The following ARID5B variants were observed in gnomAD, a reference collection of about 807,000 sequenced individuals.
ARID5B encodes AT-rich interactive domain-containing protein 5B.
In ARID5B, 13 loss-of-function variants were observed where a neutral mutation model predicts 97.2. The ratio of observed to expected loss-of-function variants is 0.13; its 90% CI spans 0.09 to 0.21. The LOEUF is 0.21. Ranked by LOEUF, ARID5B falls within the 10% of genes least tolerant of loss-of-function variation. The probability of loss-of-function intolerance (pLI) is 1.00; values close to 1 mark genes in which losing one functional copy is unlikely to be tolerated. For synonymous variants in ARID5B, 556 were observed against 570.3 expected, an observed-to-expected ratio of 0.97 and a Z score of 0.36; for missense variants, 1,210 against 1,465.3, an observed-to-expected ratio of 0.83 and a Z score of 2.84.
chr10:61,938,383 C>T (rs1589226587), intron 2 of ARID5B, among the ~76,000 whole-genome samples: 1 of 152,188 alleles, frequency 6.6e-6, no homozygotes, highest in East Asian at 1.9e-4. Flanking sequence ...GCCAAATTCT[C>T]TCTTTACTAA....
chr10:62,024,559 G>T, intron 4 of ARID5B: 1 of 370,508 alleles, frequency 2.7e-6, no homozygotes. Context: ...AATGTTTCCT[G>T]ATTGATATTG....
chr10:62,049,323 G>A (rs1390613488), intron 4 of ARID5B: 2 of 1,500,904 alleles, frequency 1.3e-6, no homozygotes, highest in Non-Finnish European at 1.8e-6. Context: ...CCGGGGGAGG[G>A]GAGTTGTAAG....
chr10:62,049,660 T>A (rs901751287), intron 4 of ARID5B, among the ~76,000 whole-genome samples: 1 of 152,166 alleles, frequency 6.6e-6, no homozygotes, highest in Non-Finnish European at 1.5e-5. Context: ...TTTGCCTCTC[T>A]GATTTTAAAG....
intron 5 of ARID5B, among the ~76,000 whole-genome samples, chr10:62,054,626 G>A (rs1589276582): frequency 6.6e-6 from 1 of 152,164 alleles, no homozygotes; most frequent in East Asian, 1.9e-4. Context: ...CTGTTTCTGA[G>A]TGTTTCTACA....
intron 2 of ARID5B, among the ~76,000 whole-genome samples, chr10:61,921,488 A>C (rs933029776): frequency 3.9e-5 from 6 of 152,196 alleles, no homozygotes; most frequent in South Asian, 4.1e-4. Context: ...TTGCTGGGCC[A>C]CATGGGCCTC....
Position 62,093,210 on chromosome 10 carries a change from C to A in ARID5B, c.*180C>A. 1 of 834,638 alleles carries A rather than the reference C, an allele frequency of 1.2e-6. No homozygotes were observed. Among genetic ancestry groups the A allele is most frequent in the Non-Finnish European group, 1.8e-6 (1 of 563,900 alleles). The allele number at this position is 834,638 out of a possible 1,614,324, so 51.7% of individuals were successfully genotyped here. On this transcript the variant is annotated 3_prime_UTR_variant, in exon 10 of 10. Coordinates refer to ENST00000279873, the MANE Select transcript of ARID5B (RefSeq NM_032199.3). ...CCTGATTTTTGTGGGACAACTCTAG[C>A]CCACAAACTGACTGGCTGGTGAGTC...
At position 62,091,420 on chromosome 10, in the gene ARID5B, T is replaced by C; in HGVS notation, c.1957T>C (p.Ser653Pro). 6.2e-7 allele frequency: 1 copy of C among 1,612,610 alleles called. No homozygotes were observed. Among genetic ancestry groups the C allele is most frequent in the Non-Finnish European group, 8.5e-7 (1 of 1,179,110 alleles). The change falls in exon 10 of 10, where the codon TCG (serine) becomes CCG (proline). Residue 653 changes from serine (S) to proline (P), a missense_variant. Coordinates refer to ENST00000279873, the MANE Select transcript of ARID5B (RefSeq NM_032199.3). ...GACCCCAAAGGTCCTTGTGGTCCAG[T>C]CGTTTGACATGTTCAAAGACAAAGA... The part of the protein sequence containing the change: ...KQTPKVLVVQ[S>P]FDMFKDKDLT...
chr10:62,070,701 A>G (rs1365627926), intron 8 of ARID5B, among the ~76,000 whole-genome samples: 1 of 152,238 alleles, frequency 6.6e-6, no homozygotes, highest in Non-Finnish European at 1.5e-5. Context: ...GGTTTAGTAC[A>G]CCATGAAAAA....
Position 61,940,398 on chromosome 10 carries a change from G to A in ARID5B, c.492G>A (p.Lys164=). The change falls in exon 3 of 10, where the codon AAG becomes AAA. Residue 164 remains lysine, a synonymous_variant. Transcript: ENST00000279873. ...ACTTCAAAGACGTTCTCAAGGAGAA[G>A]GCAGACCTGGGTAAATATGACTTGT... is the stretch of plus-strand genomic sequence containing the variant. ...GLNFKDVLKE[K]ADLGEDEEET... 6.2e-7 allele frequency: 1 copy of A among 1,612,754 alleles called. No individual in the cohort carries two copies. Among genetic ancestry groups the A allele is most frequent in the Non-Finnish European group, 8.5e-7 (1 of 1,179,348 alleles).
At chr10:62,058,845 A>G (rs1003257639) in intron 6 of ARID5B, among the ~76,000 whole-genome samples, 1 of 152,212 alleles carries the variant, frequency 6.6e-6, no homozygotes, top group Non-Finnish European at 1.5e-5. Flanking sequence ...GAGTTCTTAT[A>G]TGAGAGAAGC....
chr10:62,008,044 C>T (rs1839168000), intron 4 of ARID5B, among the ~76,000 whole-genome samples: 1 of 137,550 alleles, frequency 7.3e-6, no homozygotes. Flanking sequence ...CCCCTCCACC[C>T]ACCTCCCCCG....
intron 4 of ARID5B, among the ~76,000 whole-genome samples, chr10:62,029,942 G>T (rs1839474073): frequency 6.6e-6 from 1 of 152,194 alleles, no homozygotes; most frequent in Non-Finnish European, 1.5e-5. Flanking sequence ...AGTCTTTGAT[G>T]TGGAAAATAG....
At chr10:61,936,817 TAAA>T (rs1453850199) in intron 2 of ARID5B, among the ~76,000 whole-genome samples, 7 of 374 alleles carry the variant, frequency 0.019, no homozygotes, top group Non-Finnish European at 0.031. Context: ...AGAATTATTA[TAAA>T]ACCTGGGTTT....
intron 3 of ARID5B, among the ~76,000 whole-genome samples, chr10:61,972,347 C>T (rs964799768): frequency 2.4e-4 from 36 of 151,586 alleles, no homozygotes; most frequent in Admixed American, 1.6e-3. Context: ...CCTGCCTCAG[C>T]CTCCTGAGTA....
intron 3 of ARID5B, among the ~76,000 whole-genome samples, chr10:61,980,353 G>A (rs1414370973): frequency 6.6e-6 from 1 of 152,128 alleles, no homozygotes; most frequent in Non-Finnish European, 1.5e-5. Context: ...TCCAGTGCCT[G>A]TTTCATATTT....
At chr10:61,977,352 T>G (rs1724719241) in intron 3 of ARID5B, among the ~76,000 whole-genome samples, 1 of 152,254 alleles carries the variant, frequency 6.6e-6, no homozygotes, top group South Asian at 2.1e-4. Flanking sequence ...GCATGATTTA[T>G]AATCCTTTGG....
At chr10:61,930,722 A>AAAAAAAATAAATAAAT (rs368165490) in intron 2 of ARID5B, among the ~76,000 whole-genome samples, 1 of 140,358 alleles carries the variant, frequency 7.1e-6, no homozygotes, top group Non-Finnish European at 1.5e-5. Context: ...TCCGCCTCAA[A>AAAAAAAATAAATAAAT]AAATAAATAA....
Position 61,926,115 on chromosome 10 carries a change from C to T in ARID5B, c.277-14068C>T, listed in dbSNP as rs117152185. ...TAAATCTTAGCACATACTTCAGAGT[C>T]TATCTTCATTGCTCTGACAACAGAA... is the stretch of plus-strand genomic sequence containing the variant. On this transcript the variant is annotated intron_variant, in intron 2 of 9. Coordinates refer to ENST00000279873, the MANE Select transcript of ARID5B (RefSeq NM_032199.3). Among the ~76,000 whole-genome samples, 135 of 152,358 alleles carry T rather than the reference C, an allele frequency of 8.9e-4. 3 individuals carry two copies. In the East Asian group the frequency reaches 0.025, roughly 28 times the overall value.
At chr10:61,937,759 C>G (rs1844330553) in intron 2 of ARID5B, among the ~76,000 whole-genome samples, 1 of 152,198 alleles carries the variant, frequency 6.6e-6, no homozygotes, top group Admixed American at 6.5e-5. Flanking sequence ...GAACTTTAGT[C>G]AGCACTTGCT....
Sources: gnomAD v4.1 joint callset for allele counts (sites outside exome capture counted in the v4.1 genomes callset) on GRCh38, gnomAD v4.1.1 for gene constraint, MANE v1.5 for transcripts, NCBI Gene and HGNC (gene_info 2026-07-23, HGNC 2026-07-21) for gene names.